RAB9A: variants seen among roughly 807,000 people sequenced by gnomAD.
The protein encoded by RAB9A is RAB9A, member RAS oncogene family, also known as ras-related protein Rab-9A.
RAB9A carries 1 observed loss-of-function variant against 10.3 expected under a neutral mutation model. The observed-to-expected ratio is 0.10, with a 90% CI of 0.03 to 0.46. The LOEUF (loss-of-function observed/expected upper bound fraction) is 0.46. RAB9A is among the 20% of genes least tolerant of loss of function. The probability of loss-of-function intolerance (pLI) is 0.96; values close to 1 mark genes in which losing one functional copy is unlikely to be tolerated. For synonymous variants in RAB9A, 39 were observed against 55.2 expected (o/e 0.71, Z 1.30); for missense variants, 92 against 150.3 (o/e 0.61, Z 2.03).
chrX:13,705,589 C>T (rs1384048336), intron 2 of RAB9A, among the ~76,000 whole-genome samples: 2 of 112,006 alleles, frequency 1.8e-5, no homozygotes. Context: ...TGTTAGATTG[C>T]ATGATCTGGC....
In RAB9A at chrX:13,709,538, A is replaced by G; in HGVS notation, c.*186A>G. On this transcript the variant is annotated 3_prime_UTR_variant, in exon 3 of 3. Coordinates refer to ENST00000464506, the MANE Select transcript of RAB9A (RefSeq NM_004251.5). ...CTTGGAGGAATATATTTACTCAATA[A>G]TGGCACCTTACATTTATAAATTGTA... is the stretch of plus-strand genomic sequence containing the variant. 2.7e-6 allele frequency: 1 copy of G among 369,209 alleles called. No homozygotes were observed. Among genetic ancestry groups the G allele is most frequent in the South Asian group, 9.4e-5 (1 of 10,631 alleles). The allele number at this position is 369,209 out of a possible 1,213,427, so 30.4% of individuals were successfully genotyped here. A position where few individuals can be genotyped will look rare whatever the true frequency, so the allele number is the denominator to read the frequency against.
At chrX:13,693,281 C>T (rs960954624) in intron 1 of RAB9A, among the ~76,000 whole-genome samples, 1 of 112,347 alleles carries the variant, frequency 8.9e-6, no homozygotes, top group Non-Finnish European at 1.9e-5. Context: ...TCAGTCAGAA[C>T]CAAGCATAAG....
chrX:13,692,493 G>A (rs2046130431), intron 1 of RAB9A, among the ~76,000 whole-genome samples: 1 of 112,095 alleles, frequency 8.9e-6, no homozygotes, highest in Non-Finnish European at 1.9e-5. Context: ...TTCTTGTTGA[G>A]CATAAAATTC....
At chrX:13,704,455 C>T (rs2046188455) in intron 2 of RAB9A, among the ~76,000 whole-genome samples, 1 of 111,599 alleles carries the variant, frequency 9.0e-6, no homozygotes, top group Non-Finnish European at 1.9e-5. Context: ...TGTACTTTAA[C>T]ATTTTAATTC....
chrX:13,707,236 TGC>T lies in RAB9A; in HGVS notation c.-26-1484_-26-1483del, dbSNP rs899073652. Among the ~76,000 whole-genome samples the T allele has an allele frequency of 2.0e-4, 23 of 112,626 alleles. 1 individual carries two copies. Among genetic ancestry groups the T allele is most frequent in the South Asian group, 3.6e-4 (1 of 2,743 alleles). Reference sequence around the variant, plus strand: ...TGCATAAAATTCTCTTGTACAGTGCTGCTCTAATAGTTATCTTCTTATATACA... The same window carrying T: ...TGCATAAAATTCTCTTGTACAGTGCTTCTAATAGTTATCTTCTTATATACA... On this transcript the variant is annotated intron_variant, in intron 2 of 2. Coordinates refer to ENST00000464506, the MANE Select transcript of RAB9A (RefSeq NM_004251.5).
chrX:13,702,611 A>G (rs910260186), intron 1 of RAB9A, among the ~76,000 whole-genome samples: 2 of 112,115 alleles, frequency 1.8e-5, no homozygotes, highest in African/African-American at 3.2e-5. Context: ...GGACTCAGGC[A>G]ACTCCGTAAG....
At chrX:13,690,367 A>T (rs901144721) in intron 1 of RAB9A, among the ~76,000 whole-genome samples, 5 of 112,407 alleles carry the variant, frequency 4.4e-5, no homozygotes, top group African/African-American at 1.3e-4. Context: ...ATGCTGTGGC[A>T]GTCTGGTGCT....
chrX:13,689,592 T>C (rs746232450), intron 1 of RAB9A, among the ~76,000 whole-genome samples: 234 of 111,579 alleles, frequency 2.1e-3, no homozygotes, highest in African/African-American at 5.5e-3. Context: ...ATACACCCGG[T>C]CACCTGGGAA....
In RAB9A at chrX:13,699,409, A is replaced by T. The variant is rs7054410; in HGVS notation, c.-115-4405A>T. ...TTTATTTGCACCTCACCAAATGTAG[A>T]GCATTGTACGAGAAGTGGCAGAACA... On this transcript the variant is annotated intron_variant, in intron 1 of 2. Coordinates refer to ENST00000464506, the MANE Select transcript of RAB9A (RefSeq NM_004251.5). Among the ~76,000 whole-genome samples the T allele has an allele frequency of 2.7e-5, 3 of 111,562 alleles. No homozygotes were observed. The Admixed American group carries it at 2.9e-4, about 11-fold the overall frequency.
intron 1 of RAB9A, among the ~76,000 whole-genome samples, chrX:13,693,795 A>G (rs1273898385): frequency 3.6e-5 from 4 of 111,307 alleles, no homozygotes; most frequent in Non-Finnish European, 7.5e-5. Context: ...TTGGAAAAAA[A>G]ATGGAGAAGT....
chrX:13,695,866 G>A (rs1010846726), intron 1 of RAB9A, among the ~76,000 whole-genome samples: 1 of 111,475 alleles, frequency 9.0e-6, no homozygotes, highest in Non-Finnish European at 1.9e-5. Flanking sequence ...AGGAAAGGGA[G>A]CTGTCTATGT....
chrX:13,705,745 G>A (rs1218532366), intron 2 of RAB9A, among the ~76,000 whole-genome samples: 1 of 111,577 alleles, frequency 9.0e-6, no homozygotes, highest in Admixed American at 9.6e-5. Flanking sequence ...TGGAAATTGT[G>A]TGAAAGGAAC....
intron 2 of RAB9A, among the ~76,000 whole-genome samples, chrX:13,705,070 CTTTA>C (rs1480394680): frequency 2.7e-5 from 3 of 111,943 alleles, no homozygotes; most frequent in Non-Finnish European, 3.8e-5. Flanking sequence ...AGTAGGATCC[CTTTA>C]TTTATTTAAC....
chrX:13,690,924 G>C (rs1300543581), intron 1 of RAB9A, among the ~76,000 whole-genome samples: 2 of 110,168 alleles, frequency 1.8e-5, no homozygotes, highest in African/African-American at 6.6e-5. Context: ...AGCAGGTCTG[G>C]GTAATTTTAG....
At chrX:13,707,960 C>A (rs1021443014) in intron 2 of RAB9A, among the ~76,000 whole-genome samples, 1 of 111,085 alleles carries the variant, frequency 9.0e-6, no homozygotes, top group African/African-American at 3.3e-5. Flanking sequence ...TAGAGAAAGT[C>A]CCTGGTAGGA....
chrX:13,700,636 C>T (rs1366479434), intron 1 of RAB9A, among the ~76,000 whole-genome samples: 3 of 111,559 alleles, frequency 2.7e-5, no homozygotes, highest in Admixed American at 9.5e-5. Flanking sequence ...GTCTGTTGTA[C>T]ATGTAAATGA....
At chrX:13,689,607 C>A (rs2046110890) in intron 1 of RAB9A, among the ~76,000 whole-genome samples, 1 of 112,024 alleles carries the variant, frequency 8.9e-6, no homozygotes, top group African/African-American at 3.2e-5. Context: ...TGGGAACACA[C>A]GTACACGCCA....
At position 13,704,260 on chromosome X, in the gene RAB9A, A is replaced by G. The variant is rs766652239; in HGVS notation, c.-27+358A>G. ...ATGAAATATTACACATTTCCTCTTG[A>G]TATAATTTCATAGCTATCTCTGAAT... On this transcript the variant is annotated intron_variant, in intron 2 of 2. Transcript: ENST00000464506. Among the ~76,000 whole-genome samples the G allele has an allele frequency of 3.6e-5, 4 of 112,360 alleles. No homozygotes were observed. In the East Asian group the frequency reaches 1.1e-3, roughly 31 times the overall value.
At chrX:13,701,590 A>C (rs1434957688) in intron 1 of RAB9A, among the ~76,000 whole-genome samples, 2 of 111,411 alleles carry the variant, frequency 1.8e-5, no homozygotes, top group Non-Finnish European at 3.8e-5. Context: ...TTTCACTTTT[A>C]TTAGACATAG....
Sources: allele counts gnomAD v4.1 joint callset (sites outside exome capture counted in the v4.1 genomes callset), GRCh38; gene constraint gnomAD v4.1.1; transcripts MANE v1.5; gene names NCBI Gene and HGNC (gene_info 2026-07-23, HGNC 2026-07-21).